CDYL2: variants seen among roughly 807,000 people sequenced by gnomAD.
CDYL2 encodes the protein chromodomain Y like 2.
A neutral mutation model predicts 49.4 loss-of-function variants in CDYL2; 23 were observed. That is an observed-to-expected ratio of 0.47 (90% confidence interval 0.34 to 0.66). The LOEUF (loss-of-function observed/expected upper bound fraction) is 0.66. Among genes scored for constraint, CDYL2 ranks in the 30% least tolerant of loss-of-function variants. CDYL2 has a pLI of 0.01. For missense variants in CDYL2, 678 were observed against 656.4 expected (o/e 1.03, Z -0.36); for synonymous variants, 360 against 268.8 (o/e 1.34, Z -3.32).
rs1044440841 is a variant in CDYL2 at position 80,612,610 on chromosome 16, A to G, written c.1218+16T>C. On this transcript the variant is annotated intron_variant, in intron 5 of 6. Coordinates refer to ENST00000570137, the MANE Select transcript of CDYL2 (RefSeq NM_152342.4). The surrounding 1 kb of genome is among the most constrained non-coding windows in gnomAD (Gnocchi z 5.0). The stretch of plus-strand genomic sequence containing the variant: ...ATCCTGCTGGGACCCGAATCCAGGT[A>G]TCACAGGAGGCTTACCAGCGCGACG... 11 of 1,587,192 alleles carry G rather than the reference A, an allele frequency of 6.9e-6. No homozygotes were observed. The highest frequency in any genetic ancestry group is 9.4e-6 in the Non-Finnish European group (11 of 1,166,312).
At chr16:80,735,487 G>A (rs746510602) in intron 1 of CDYL2, among the ~76,000 whole-genome samples, 3 of 152,056 alleles carry the variant, frequency 2.0e-5, no homozygotes, top group East Asian at 1.9e-4. Context: ...ACTTAGTTAC[G>A]TGCCTGGCAC....
At chr16:80,723,915 AGGAGAAGGAGT>A (rs923730278) in intron 1 of CDYL2, among the ~76,000 whole-genome samples, 92 of 150,332 alleles carry the variant, frequency 6.1e-4, no homozygotes, top group African/African-American at 2.1e-3. Context: ...GGGGGGAAGG[AGGAGAAGGAGT>A]GGAGAAGAAG....
At position 80,804,314 on chromosome 16, in the gene CDYL2, T is replaced by C. The variant is rs1461076040; in HGVS notation, c.-141A>G. ...GTGTGGTGTGTTGAGTAAACTGTGT[T>C]TTTGCAGAATGACAGGCTTGGGGGC... On this transcript the variant is annotated 5_prime_UTR_variant, in exon 1 of 7. Coordinates refer to ENST00000570137, the MANE Select transcript of CDYL2 (RefSeq NM_152342.4). 1.6e-6 allele frequency: 1 copy of C among 631,116 alleles called. No individual in the cohort carries two copies. Among genetic ancestry groups the C allele is most frequent in the Non-Finnish European group, 2.2e-6 (1 of 459,656 alleles). 39.1% of individuals were successfully genotyped at this position (631,116 alleles called of 1,614,324 possible).
chr16:80,725,921 T>C (rs1905148898), intron 1 of CDYL2, among the ~76,000 whole-genome samples: 1 of 152,174 alleles, frequency 6.6e-6, no homozygotes, highest in African/African-American at 2.4e-5. Context: ...GGGCATGAAG[T>C]TTTCATCTTC....
intron 1 of CDYL2, among the ~76,000 whole-genome samples, chr16:80,762,478 G>T (rs990750360): frequency 1.3e-5 from 2 of 152,262 alleles, no homozygotes; most frequent in East Asian, 1.9e-4. Context: ...AACCCAGAAG[G>T]AACTCACAAT....
Position 80,612,509 on chromosome 16 carries a change from A to T in CDYL2, c.1218+117T>A. 1 of 1,042,364 alleles carries T rather than the reference A, an allele frequency of 9.6e-7. No homozygotes were observed. The highest frequency in any genetic ancestry group is 1.4e-6 in the Non-Finnish European group (1 of 715,568). The allele number at this position is 1,042,364 out of a possible 1,614,324, so 64.6% of individuals were successfully genotyped here. Reference sequence around the variant, plus strand: ...AAGGTGTGAAGGACATGAGGCAGCCAAGCCAATCTGCAGGCTGACAACACC... The same window carrying T: ...AAGGTGTGAAGGACATGAGGCAGCCTAGCCAATCTGCAGGCTGACAACACC... On this transcript the variant is annotated intron_variant, in intron 5 of 6. Transcript: ENST00000570137. The surrounding 1 kb of genome is among the most constrained non-coding windows in gnomAD (Gnocchi z 5.0).
intron 1 of CDYL2, among the ~76,000 whole-genome samples, chr16:80,710,773 G>A (rs1438122208): frequency 6.6e-6 from 1 of 152,116 alleles, no homozygotes. Context: ...ACAGAGAACT[G>A]TGTTTAAATT....
At chr16:80,794,810 T>C (rs1184272522) in intron 1 of CDYL2, among the ~76,000 whole-genome samples, 2 of 151,914 alleles carry the variant, frequency 1.3e-5, no homozygotes, top group African/African-American at 4.8e-5. Flanking sequence ...ACAGAGTTTC[T>C]CCATGTTGGT....
rs574635781 is a variant in CDYL2, at chr16:80,621,586, C to T, written c.835-651G>A. Among the ~76,000 whole-genome samples the T allele has an allele frequency of 2.0e-5, 3 of 152,360 alleles. No individual in the cohort carries two copies. In the East Asian group the frequency reaches 5.8e-4, roughly 29 times the overall value. Reference sequence around the variant, plus strand: ...TAAGTGGGTGGACCCACTCTCAAGGCCTCCAGTGAAGAATAAATGAAAGGA... The same window carrying T: ...TAAGTGGGTGGACCCACTCTCAAGGTCTCCAGTGAAGAATAAATGAAAGGA... On this transcript the variant is annotated intron_variant, in intron 3 of 6. Coordinates refer to ENST00000570137, the MANE Select transcript of CDYL2 (RefSeq NM_152342.4).
At chr16:80,687,268 G>A (rs1258906692) in intron 1 of CDYL2, among the ~76,000 whole-genome samples, 2 of 152,184 alleles carry the variant, frequency 1.3e-5, no homozygotes, top group Non-Finnish European at 2.9e-5. Flanking sequence ...GAAGCCTCCA[G>A]CTCTAGACAA....
In CDYL2 at chr16:80,604,123, C is replaced by T. The variant is rs1047650770; in HGVS notation, c.*265G>A. On this transcript the variant is annotated 3_prime_UTR_variant, in exon 7 of 7. Transcript: ENST00000570137. ...AGCAAGTGGGGAAAGGACAGCGGTGCTTGGCGGAGCCCTGGGAAGATACAG... is the reference window on the plus strand; with the variant it reads ...AGCAAGTGGGGAAAGGACAGCGGTGTTTGGCGGAGCCCTGGGAAGATACAG... The T allele has an allele frequency of 2.0e-6, 1 of 497,028 alleles. No homozygotes were observed. Among genetic ancestry groups the T allele is most frequent in the Non-Finnish European group, 3.6e-6 (1 of 275,080 alleles). 30.8% of individuals were successfully genotyped at this position (497,028 alleles called of 1,614,324 possible).
intron 2 of CDYL2, among the ~76,000 whole-genome samples, chr16:80,676,700 G>C (rs1034698608): frequency 5.3e-5 from 8 of 152,218 alleles, no homozygotes; most frequent in African/African-American, 1.4e-4. Flanking sequence ...TCTGAAGTGA[G>C]ATTGACTTGT....
intron 2 of CDYL2, among the ~76,000 whole-genome samples, chr16:80,655,416 T>G (rs117977288): frequency 0.029 from 4,463 of 152,074 alleles, 86 homozygotes; most frequent in Non-Finnish European, 0.046. Flanking sequence ...TTGCTTTGGG[T>G]TGGGGAGATG....
chr16:80,614,593 T>C (rs1043407003), intron 4 of CDYL2, among the ~76,000 whole-genome samples: 8 of 152,300 alleles, frequency 5.3e-5, no homozygotes, highest in African/African-American at 1.9e-4. Flanking sequence ...AGGCTGGGCA[T>C]GGTCATTCAC....
chr16:80,662,523 T>G (rs1909088662), intron 2 of CDYL2, among the ~76,000 whole-genome samples: 1 of 152,158 alleles, frequency 6.6e-6, no homozygotes, highest in Non-Finnish European at 1.5e-5. Context: ...GTTCATTCAG[T>G]ACATACTTAG....
At chr16:80,669,643 C>T (rs1028728298) in intron 2 of CDYL2, among the ~76,000 whole-genome samples, 2 of 152,106 alleles carry the variant, frequency 1.3e-5, no homozygotes, top group Non-Finnish European at 2.9e-5. Flanking sequence ...GCAGGAGGGT[C>T]GGTGGGCAAG....
chr16:80,798,066 A>G (rs1482914710), intron 1 of CDYL2, among the ~76,000 whole-genome samples: 1 of 152,148 alleles, frequency 6.6e-6, no homozygotes, highest in Admixed American at 6.5e-5. Context: ...TTTGAGACAG[A>G]GCCTCACTCT....
intron 2 of CDYL2, among the ~76,000 whole-genome samples, chr16:80,655,223 T>C (rs1908753974): frequency 6.6e-6 from 1 of 152,190 alleles, no homozygotes; most frequent in South Asian, 2.1e-4. Flanking sequence ...GAAAAGTGAG[T>C]ACCTTGCTGG....
intron 1 of CDYL2, among the ~76,000 whole-genome samples, chr16:80,744,694 T>C (rs1043173710): frequency 1.3e-5 from 2 of 152,156 alleles, no homozygotes; most frequent in African/African-American, 4.8e-5. Context: ...AAAGGCCATA[T>C]AGGGGTCTCC....
Sources: gnomAD v4.1 joint callset for allele counts (sites outside exome capture counted in the v4.1 genomes callset) on GRCh38, gnomAD v4.1.1 for gene constraint, Gnocchi (gnomAD v3.1) non-coding constraint, MANE v1.5 for transcripts, NCBI Gene and HGNC (gene_info 2026-07-23, HGNC 2026-07-21) for gene names.